Variants in CDKL2 observed in about 807,000 individuals in gnomAD.
CDKL2 encodes cyclin-dependent kinase-like 2.
CDKL2 carries 64 observed loss-of-function variants against 63.9 expected under a neutral mutation model. The observed-to-expected ratio is 1.00, with a 90% CI of 0.82 to 1.23. The LOEUF is 1.23. CDKL2 is among the 50% of genes most tolerant of loss of function. The pLI, the probability that CDKL2 is intolerant of heterozygous loss-of-function variation, is 0.00. For synonymous variants in CDKL2, 211 were observed against 229.2 expected, an observed-to-expected ratio of 0.92 and a Z score of 0.72; for missense variants, 656 against 668.0, an observed-to-expected ratio of 0.98 and a Z score of 0.20.
chr4:75,587,254 G>A (rs928522503), intron 12 of CDKL2, among the ~76,000 whole-genome samples: 2 of 152,040 alleles, frequency 1.3e-5, no homozygotes, highest in Non-Finnish European at 2.9e-5. Flanking sequence ...AGAAGTTTGA[G>A]ACCAGCCTGG....
At chr4:75,613,432 T>G (rs1039089844) in intron 3 of CDKL2, among the ~76,000 whole-genome samples, 3 of 152,210 alleles carry the variant, frequency 2.0e-5, no homozygotes, top group Non-Finnish European at 4.4e-5. Context: ...GTTTTAAATT[T>G]TTCTACCATT....
chr4:75,580,437 G>A (rs754109742), intron 13 of CDKL2, among the ~76,000 whole-genome samples: 68 of 151,962 alleles, frequency 4.5e-4, no homozygotes, highest in African/African-American at 1.3e-3. Context: ...AGGCCAAGAC[G>A]GGCAGATCAT....
At chr4:75,613,826 C>T (rs1385270064) in intron 3 of CDKL2, among the ~76,000 whole-genome samples, 1 of 152,168 alleles carries the variant, frequency 6.6e-6, no homozygotes, top group African/African-American at 2.4e-5. Flanking sequence ...GAGGCCAAGG[C>T]AGGCAGATCA....
rs904056409 is a variant in CDKL2 at position 75,577,716 on chromosome 4, T to C, written c.*1486A>G. Among the ~76,000 whole-genome samples, 6 of 152,222 alleles carry C rather than the reference T, an allele frequency of 3.9e-5. No individual in the cohort carries two copies. Among genetic ancestry groups the C allele is most frequent in the African/African-American group, 1.4e-4 (6 of 41,470 alleles). On this transcript the variant is annotated 3_prime_UTR_variant, in exon 14 of 14. Transcript: ENST00000307465. ...CTGATACCCTAGTTTTTTCAGCATGTTATCCATACTAATGTTGTCAAACAG... is the reference window on the plus strand; with the variant it reads ...CTGATACCCTAGTTTTTTCAGCATGCTATCCATACTAATGTTGTCAAACAG...
Position 75,598,183 on chromosome 4 carries a change from T to G in CDKL2, c.914A>C (p.Gln305Pro). 6.6e-7 allele frequency: 1 copy of G among 1,514,548 alleles called. No individual in the cohort carries two copies. The highest frequency in any genetic ancestry group is 9.0e-7 in the Non-Finnish European group (1 of 1,108,586). The allele number at this position is 1,514,548 out of a possible 1,614,324, so 93.8% of individuals were successfully genotyped here. The change falls in exon 8 of 14, where the codon CAG (glutamine) becomes CCG (proline). Residue 305 changes from glutamine (Q) to proline (P), a missense_variant. Transcript: ENST00000307465. ...RFSQELQLKV[Q>P]KDARNVSLSK... ...TAAAGAAACATTTCTGGCATCTTTCTGTACTTTTAACTGTAGTTCTTGGGA... is the reference window on the plus strand; with the variant it reads ...TAAAGAAACATTTCTGGCATCTTTCGGTACTTTTAACTGTAGTTCTTGGGA...
Position 75,627,200 on chromosome 4 carries a change from C to T in CDKL2, c.-29-1183G>A, listed in dbSNP as rs1167623079. 3.5e-5 allele frequency among the ~76,000 whole-genome samples: 5 copies of T among 141,060 alleles called. No individual in the cohort carries two copies. In the East Asian group the frequency reaches 9.9e-4, roughly 28 times the overall value. 92.5% of individuals were successfully genotyped at this position (141,060 alleles called of 152,430 possible). A position where few individuals can be genotyped will look rare whatever the true frequency, so the allele number is the denominator to read the frequency against. ...CCTGGGTGACAGAGTGAGACTCTGT[C>T]TCAAAAAAAAAAAAGCACAATTCCT... On this transcript the variant is annotated intron_variant, in intron 1 of 13. Coordinates refer to ENST00000307465, the MANE Select transcript of CDKL2 (RefSeq NM_001330724.2).
intron 12 of CDKL2, among the ~76,000 whole-genome samples, chr4:75,586,730 T>C (rs1345433545): frequency 6.6e-6 from 1 of 152,164 alleles, no homozygotes; most frequent in Admixed American, 6.5e-5. Context: ...TCTGTGATGT[T>C]GGATTAGAAT....
chr4:75,618,621 G>T (rs1489533833), intron 2 of CDKL2, among the ~76,000 whole-genome samples: 1 of 151,494 alleles, frequency 6.6e-6, no homozygotes, highest in African/African-American at 2.4e-5. Context: ...AGGCTAAAAC[G>T]ACAGTGAGGA....
rs1042563025 is a variant in CDKL2 at position 75,625,170 on chromosome 4, GT to G, written c.168+650del. Among the ~76,000 whole-genome samples, 6 of 151,692 alleles carry G rather than the reference GT, an allele frequency of 4.0e-5. No individual in the cohort carries two copies. The South Asian group carries it at 6.2e-4, about 16-fold the overall frequency. On this transcript the variant is annotated intron_variant, in intron 2 of 13. Transcript: ENST00000307465. ...TGAAATACGTTTCAAGAACAAGAGG[GT>G]TTTTTTTAGTTGACTATATTCTGAA...
chr4:75,581,890 T>G lies in CDKL2; in HGVS notation c.1656A>C (p.Gly552=), dbSNP rs780965251. The G allele has an allele frequency of 1.9e-6, 3 of 1,608,440 alleles. No homozygotes were observed. In the South Asian group the frequency reaches 3.3e-5, roughly 18 times the overall value. ...CCCCTGAATCATCTGACAGGGGAGG[T>G]CCTGATACCTATAAATTAATAATAG... The part of the protein sequence containing the change: ...TPSITLHQVS[G]PPLSDDSGAD... Residue 552 remains glycine (G), a synonymous_variant, in exon 13 of 14, where the codon GGA becomes GGC. Transcript: ENST00000307465.
chr4:75,616,582 C>T (rs1296375262), intron 2 of CDKL2, among the ~76,000 whole-genome samples: 1 of 151,518 alleles, frequency 6.6e-6, no homozygotes, highest in African/African-American at 2.4e-5. Flanking sequence ...ATGAAGTAAT[C>T]CCAGTTTCTA....
At position 75,596,872 on chromosome 4, in the gene CDKL2, A is replaced by C. The variant is rs1398092302; in HGVS notation, c.1322+63T>G. The C allele has an allele frequency of 4.4e-6, 6 of 1,351,476 alleles. No homozygotes were observed. In the African/African-American group the frequency reaches 5.8e-5, roughly 13 times the overall value. The allele number at this position is 1,351,476 out of a possible 1,614,324, so 83.7% of individuals were successfully genotyped here. The stretch of plus-strand genomic sequence containing the variant: ...TAAAAACAATGTGGATGAATTGACA[A>C]ACCCTTGCAATTTGCAAATATGTCC... On this transcript the variant is annotated intron_variant, in intron 9 of 13. Transcript: ENST00000307465.
At chr4:75,619,538 C>T (rs1730066963) in intron 2 of CDKL2, among the ~76,000 whole-genome samples, 1 of 129,174 alleles carries the variant, frequency 7.7e-6, no homozygotes. Context: ...CTGAAGTGAG[C>T]TAACAGACCT....
intron 12 of CDKL2, among the ~76,000 whole-genome samples, chr4:75,587,773 G>C (rs1435591436): frequency 6.6e-6 from 1 of 150,660 alleles, no homozygotes; most frequent in African/African-American, 2.4e-5. Context: ...GCATAGTGGC[G>C]GGCGCCTGTA....
chr4:75,606,954 CT>C (rs1443029469), intron 4 of CDKL2, among the ~76,000 whole-genome samples: 7 of 152,302 alleles, frequency 4.6e-5, no homozygotes, highest in African/African-American at 1.7e-4. Flanking sequence ...TTCCAACCCA[CT>C]GTATAAAATA....
At position 75,596,287 on chromosome 4, in the gene CDKL2, T is replaced by C; in HGVS notation, c.1376A>G (p.His459Arg). 2 of 1,612,748 alleles carry C rather than the reference T, an allele frequency of 1.2e-6. No individual in the cohort carries two copies. The highest frequency in any genetic ancestry group is 1.7e-6 in the Non-Finnish European group (2 of 1,178,738). ...CSIPFVKPNR[H>R]SPSGIYNINV... is the part of the protein sequence containing the mutation. ...AATGTTATAAATGCCTGATGGGGAA[T>C]GTCTGTTCGGTTTAACAAATGGAAT... is the stretch of plus-strand genomic sequence containing the variant. Residue 459 changes from histidine (H) to arginine (R), a missense_variant, in exon 10 of 14, where the codon CAT (histidine) becomes CGT (arginine). By Grantham distance (29) the His-to-Arg change is conservative. Coordinates refer to ENST00000307465, the MANE Select transcript of CDKL2 (RefSeq NM_001330724.2).
chr4:75,601,318 CAAAG>C (rs1434453638), intron 6 of CDKL2, among the ~76,000 whole-genome samples: 7 of 152,042 alleles, frequency 4.6e-5, no homozygotes, highest in Non-Finnish European at 1.0e-4. Context: ...AGATGCTTTA[CAAAG>C]ATTATTTTAT....
chr4:75,619,560 A>G (rs1357112630), intron 2 of CDKL2, among the ~76,000 whole-genome samples: 1 of 121,970 alleles, frequency 8.2e-6, no homozygotes, highest in African/African-American at 3.1e-5. Context: ...CCACATGGTG[A>G]TGGGCTCACA....
intron 10 of CDKL2, among the ~76,000 whole-genome samples, chr4:75,592,554 G>C (rs184646745): frequency 2.6e-5 from 4 of 152,272 alleles, no homozygotes; most frequent in Admixed American, 2.6e-4. Flanking sequence ...AGTAGTAAAA[G>C]GTTAAAAGAT....
Sources: allele counts gnomAD v4.1 joint callset (sites outside exome capture counted in the v4.1 genomes callset), GRCh38; gene constraint gnomAD v4.1.1; transcripts MANE v1.5; gene names NCBI Gene and HGNC (gene_info 2026-07-23, HGNC 2026-07-21).